KIAA2013: variants seen among roughly 807,000 people sequenced by gnomAD.
The protein encoded by KIAA2013 is KIAA2013.
Under a neutral mutation model 39.9 loss-of-function variants are expected in KIAA2013, and 20 were observed. That is an observed-to-expected ratio of 0.50 (90% CI 0.35 to 0.73). The LOEUF (loss-of-function observed/expected upper bound fraction) is 0.73. Among genes scored for constraint, KIAA2013 ranks in the 30% least tolerant of loss-of-function variants. KIAA2013 has a pLI of 0.01. For missense variants in KIAA2013, 587 were observed against 856.1 expected (o/e 0.69, Z 3.92); for synonymous variants, 336 against 416.6 (o/e 0.81, Z 2.35).
chr1:11,924,140 TAC>T (rs200701943), intron 1 of KIAA2013, among the ~76,000 whole-genome samples: 3 of 151,910 alleles, frequency 2.0e-5, no homozygotes, highest in African/African-American at 4.8e-5. Context: ...TTTAAAAACA[TAC>T]ACACACACAA....
Position 11,925,622 on chromosome 1 carries a change from T to C in KIAA2013, c.616A>G (p.Ile206Val), listed in dbSNP as rs766675684. Reference protein sequence around the residue: ...RGRPHVYLQRIQLNNPTERVA... With the variant: ...RGRPHVYLQRVQLNNPTERVA... The stretch of plus-strand genomic sequence containing the variant: ...CGCTCCGTGGGGTTGTTGAGCTGGA[T>C]GCGCTGCAGGTAGACGTGGGGTCGG... The change falls in exon 1 of 3, where the codon ATC becomes GTC. Residue 206 changes from isoleucine (I) to valine (V), a missense_variant. Transcript: ENST00000376572. This position sits in a 1 kb window ranked among gnomAD's most constrained non-coding sequence, Gnocchi z 5.2. 3.7e-6 allele frequency: 6 copies of C among 1,609,568 alleles called. No individual in the cohort carries two copies. The highest frequency in any genetic ancestry group is 2.2e-5 in the East Asian group (1 of 44,820).
In KIAA2013 at chr1:11,923,364, G is replaced by A. The variant is rs571506794; in HGVS notation, c.1159C>T (p.Arg387Ter). Residue 387 changes from arginine (R) to a stop codon, truncating the protein, a stop_gained, in exon 2 of 3, where the codon CGA becomes TGA. Coordinates refer to ENST00000376572, the MANE Select transcript of KIAA2013 (RefSeq NM_138346.3). LOFTEE classifies it high-confidence loss of function. The surrounding 1 kb of genome is among the most constrained non-coding windows in gnomAD (Gnocchi z 4.6). ...TTGAGCGTCGACTCCATCTGGTCTCGCTCCCTGTGGCTCAGGGAGGGGCTG... is the reference window on the plus strand; with the variant it reads ...TTGAGCGTCGACTCCATCTGGTCTCACTCCCTGTGGCTCAGGGAGGGGCTG... ...LLSPSLSHRERDQMESTLNYE... is the reference protein window; with the variant it reads ...LLSPSLSHRE The A allele has an allele frequency of 7.4e-6, 12 of 1,613,152 alleles. No homozygotes were observed. The highest frequency in any genetic ancestry group is 1.7e-5 in the Admixed American group (1 of 60,026).
In KIAA2013 at chr1:11,926,421, A is replaced by T. The variant is rs1024037361; in HGVS notation, c.-184T>A. 6.4e-6 allele frequency: 1 copy of T among 155,646 alleles called. No homozygotes were observed. The highest frequency in any genetic ancestry group is 2.5e-5 in the African/African-American group (1 of 40,570). The allele number at this position is 155,646 out of a possible 1,614,324, so 9.6% of individuals were successfully genotyped here. On this transcript the variant is annotated 5_prime_UTR_variant, in exon 1 of 3. Transcript: ENST00000376572. ...TTCTTCTCGGTGGCCTCCAGCCGTC[A>T]AACGACGCCGGCGGTCAAGCGTCGC...
intron 2 of KIAA2013, among the ~76,000 whole-genome samples, chr1:11,920,712 T>C (rs1032519829): frequency 2.0e-5 from 3 of 152,232 alleles, no homozygotes; most frequent in African/African-American, 7.2e-5. Context: ...TTGGCACCTG[T>C]CCTAGTGCAG....
At chr1:11,924,040 A>T (rs1274828813) in intron 1 of KIAA2013, among the ~76,000 whole-genome samples, 1 of 152,074 alleles carries the variant, frequency 6.6e-6, no homozygotes, top group Non-Finnish European at 1.5e-5. Flanking sequence ...CCCATGCCTA[A>T]AACAGCCCTG....
rs1557470878 is a variant in KIAA2013, at chr1:11,919,890, C to CA, written c.*424dup. 4.2e-6 allele frequency: 1 copy of CA among 239,214 alleles called. No individual in the cohort carries two copies. The highest frequency in any genetic ancestry group is 2.3e-5 in the African/African-American group (1 of 42,666). 14.8% of individuals were successfully genotyped at this position (239,214 alleles called of 1,614,324 possible). ...CAACACTCACCATCTACAGGGGATG[C>CA]AAAAGCCATCTAGCAAAATCTCAAC... On this transcript the variant is annotated 3_prime_UTR_variant, in exon 3 of 3. Transcript: ENST00000376572.
chr1:11,922,866 G>T lies in KIAA2013; in HGVS notation c.1657C>A (p.Pro553Thr), dbSNP rs763417475. 3.7e-6 allele frequency: 6 copies of T among 1,612,536 alleles called. No homozygotes were observed. Among genetic ancestry groups the T allele is most frequent in the Non-Finnish European group, 5.1e-6 (6 of 1,179,074 alleles). Residue 553 changes from proline to threonine, a missense_variant, in exon 2 of 3, where the codon CCA becomes ACA. By Grantham distance (38) the Pro-to-Thr change is conservative. Coordinates refer to ENST00000376572, the MANE Select transcript of KIAA2013 (RefSeq NM_138346.3). ...FSVMVTQPIT[P>T]LLYISTDLTH... ...AGGTCGGTGGAGATGTAGAGCAGTGGCGTGATGGGCTGTGTCACCATGACC... is the reference window on the plus strand; with the variant it reads ...AGGTCGGTGGAGATGTAGAGCAGTGTCGTGATGGGCTGTGTCACCATGACC...
At position 11,919,876 on chromosome 1, in the gene KIAA2013, A is replaced by C. The variant is rs1645464947; in HGVS notation, c.*439T>G. 8.5e-6 allele frequency: 2 copies of C among 234,338 alleles called. No homozygotes were observed. The highest frequency in any genetic ancestry group is 1.1e-4 in the Admixed American group (2 of 18,520). The allele number at this position is 234,338 out of a possible 1,614,324, so 14.5% of individuals were successfully genotyped here. On this transcript the variant is annotated 3_prime_UTR_variant, in exon 3 of 3. Transcript: ENST00000376572. ...ATGGACATCACCGCCAACACTCACC[A>C]TCTACAGGGGATGCAAAAGCCATCT...
intron 1 of KIAA2013, among the ~76,000 whole-genome samples, chr1:11,924,697 G>C (rs577231040): frequency 6.6e-6 from 1 of 152,158 alleles, no homozygotes; most frequent in Admixed American, 6.5e-5. Context: ...AGTTTTCATC[G>C]GGCGGGAGCA....
chr1:11,924,459 C>G (rs1318715683), intron 1 of KIAA2013, among the ~76,000 whole-genome samples: 5 of 151,996 alleles, frequency 3.3e-5, no homozygotes, highest in Non-Finnish European at 7.4e-5. Context: ...CTGTCTTCCT[C>G]CCAACCAGAA....
rs1362252108 is a variant in KIAA2013, at chr1:11,925,003, G to A, written c.1033+202C>T. Among the ~76,000 whole-genome samples, 2 of 152,222 alleles carry A rather than the reference G, an allele frequency of 1.3e-5. No homozygotes were observed. The highest frequency in any genetic ancestry group is 4.8e-5 in the African/African-American group (2 of 41,446). On this transcript the variant is annotated intron_variant, in intron 1 of 2. Coordinates refer to ENST00000376572, the MANE Select transcript of KIAA2013 (RefSeq NM_138346.3). The surrounding 1 kb of genome is among the most constrained non-coding windows in gnomAD (Gnocchi z 5.2). ...AGTCTCATAAAAACCTTCTGAGGTA[G>A]GCGTTATTGTTATTAAATACAGGCC... is the stretch of plus-strand genomic sequence containing the variant.
Position 11,922,580 on chromosome 1 carries a change from AC to A in KIAA2013, c.1887+55del, listed in dbSNP as rs767755684. On this transcript the variant is annotated intron_variant, in intron 2 of 2. Coordinates refer to ENST00000376572, the MANE Select transcript of KIAA2013 (RefSeq NM_138346.3). ...TCGCCAGGCTAGCCCCTTCCGAGAC[AC>A]AGGGCTGAGAGCAAGGCCAAGGCCT... The A allele has an allele frequency of 8.5e-5, 136 of 1,596,186 alleles. 1 individual carries two copies. In the African/African-American group the frequency reaches 1.7e-3, roughly 20 times the overall value.
Position 11,926,265 on chromosome 1 carries a change from G to C in KIAA2013, c.-28C>G, listed in dbSNP as rs1451234247. On this transcript the variant is annotated 5_prime_UTR_variant, in exon 1 of 3. Coordinates refer to ENST00000376572, the MANE Select transcript of KIAA2013 (RefSeq NM_138346.3). ...GGCCGCCAGGCGCGGGCAAGGGTGCGAGGGCGGCCGCCGGGCCCGCCGCCC... is the reference window on the plus strand; with the variant it reads ...GGCCGCCAGGCGCGGGCAAGGGTGCCAGGGCGGCCGCCGGGCCCGCCGCCC... 1 of 1,083,222 alleles carries C rather than the reference G, an allele frequency of 9.2e-7. No individual in the cohort carries two copies. Among genetic ancestry groups the C allele is most frequent in the Non-Finnish European group, 1.1e-6 (1 of 892,086 alleles). The allele number at this position is 1,083,222 out of a possible 1,614,324, so 67.1% of individuals were successfully genotyped here.
intron 2 of KIAA2013, 81 bp downstream of exon 2, chr1:11,922,555 T>C (rs1273445859): frequency 6.4e-7 from 1 of 1,568,644 alleles, no homozygotes. Context: ...TCACCCCCCC[T>C]CGCCAGGCTA....
At chr1:11,922,593 C>A in intron 2 of KIAA2013, 43 bp downstream of exon 2, 3 of 1,603,910 alleles carry the variant, frequency 1.9e-6, no homozygotes, top group Non-Finnish European at 2.6e-6. Flanking sequence ...GGGCTGAGAG[C>A]AAGGCCAAGG....
chr1:11,920,201 CCAA>C lies in KIAA2013; in HGVS notation c.*111_*113del. The C allele has an allele frequency of 6.0e-6, 7 of 1,160,128 alleles. No homozygotes were observed. The highest frequency in any genetic ancestry group is 9.1e-6 in the Non-Finnish European group (7 of 768,172). The allele number at this position is 1,160,128 out of a possible 1,614,324, so 71.9% of individuals were successfully genotyped here. A position where few individuals can be genotyped will look rare whatever the true frequency, so the allele number is the denominator to read the frequency against. ...CTCACTTCTGCGTCACCGGTTTCCC[CCAA>C]CAAGGCACAAAGGGCGGGTGCTTCC... is the stretch of plus-strand genomic sequence containing the variant. On this transcript the variant is annotated 3_prime_UTR_variant, in exon 3 of 3. Transcript: ENST00000376572.
Position 11,925,600 on chromosome 1 carries a change from T to C in KIAA2013, c.638A>G (p.Glu213Gly), listed in dbSNP as rs2100722040. Residue 213 changes from glutamate (E) to glycine (G), a missense_variant, in exon 1 of 3, where the codon GAG becomes GGG. Glu to Gly is a moderately conservative substitution (Grantham distance 98). Coordinates refer to ENST00000376572, the MANE Select transcript of KIAA2013 (RefSeq NM_138346.3). This position sits in a 1 kb window ranked among gnomAD's most constrained non-coding sequence, Gnocchi z 5.2. ...CACAGTCTGCAGCGCGGCCACGCGCTCCGTGGGGTTGTTGAGCTGGATGCG... is the reference window on the plus strand; with the variant it reads ...CACAGTCTGCAGCGCGGCCACGCGCCCCGTGGGGTTGTTGAGCTGGATGCG... The part of the protein sequence containing the change: ...LQRIQLNNPT[E>G]RVAALQTVGP... 6.2e-7 allele frequency: 1 copy of C among 1,609,752 alleles called. No individual in the cohort carries two copies. The highest frequency in any genetic ancestry group is 8.5e-7 in the Non-Finnish European group (1 of 1,179,408).
At position 11,926,216 on chromosome 1, in the gene KIAA2013, TG is replaced by T; in HGVS notation, c.21del (p.Lys8ArgfsTer102). On this transcript the variant is annotated frameshift_variant, in exon 1 of 3. Coordinates refer to ENST00000376572, the MANE Select transcript of KIAA2013 (RefSeq NM_138346.3). LOFTEE classifies it high-confidence loss of function. MWLQQR[L>X]KGLPGLLSSS... ...CTCGACAGCAGTCCCGGCAGCCCCT[TG>T]AGCCGCTGCTGCAGCCACATCGGGC... The T allele has an allele frequency of 7.7e-7, 1 of 1,299,476 alleles. No individual in the cohort carries two copies. The highest frequency in any genetic ancestry group is 9.9e-7 in the Non-Finnish European group (1 of 1,011,568). The allele number at this position is 1,299,476 out of a possible 1,614,324, so 80.5% of individuals were successfully genotyped here. A position where few individuals can be genotyped will look rare whatever the true frequency, so the allele number is the denominator to read the frequency against.
At position 11,923,263 on chromosome 1, in the gene KIAA2013, G is replaced by A. The variant is rs747421157; in HGVS notation, c.1260C>T (p.Val420=). 6.2e-7 allele frequency: 1 copy of A among 1,613,554 alleles called. No individual in the cohort carries two copies. The highest frequency in any genetic ancestry group is 8.5e-7 in the Non-Finnish European group (1 of 1,179,704). Residue 420 remains valine, a synonymous_variant, in exon 2 of 3, where the codon GTC becomes GTT. Transcript: ENST00000376572. This position sits in a 1 kb window ranked among gnomAD's most constrained non-coding sequence, Gnocchi z 4.6. ...ENLWPGRLSS[V]QQILQLSDLW... ...GGTCAGAGAGCTGCAGGATCTGCTG[G>A]ACGGAGGACAGCCGCCCCGGCCACA... is the stretch of plus-strand genomic sequence containing the variant.
Sources: gnomAD v4.1 joint callset for allele counts (sites outside exome capture counted in the v4.1 genomes callset) on GRCh38, gnomAD v4.1.1 for gene constraint, Gnocchi (gnomAD v3.1) non-coding constraint, MANE v1.5 for transcripts, NCBI Gene and HGNC (gene_info 2026-07-23, HGNC 2026-07-21) for gene names.